DLGAP2: variants seen among roughly 807,000 people sequenced by gnomAD.
DLGAP2 encodes DLG associated protein 2.
In DLGAP2, 26 loss-of-function variants were observed where a neutral mutation model predicts 100.3. That is an observed-to-expected ratio of 0.26 (90% CI 0.19 to 0.36). The LOEUF (loss-of-function observed/expected upper bound fraction) is 0.36. DLGAP2 is among the 10% of genes least tolerant of loss of function. DLGAP2 has a pLI of 1.00. For synonymous variants in DLGAP2, 886 were observed against 630.1 expected, an observed-to-expected ratio of 1.41 and a Z score of -6.08; for missense variants, 1,858 against 1,453.2, an observed-to-expected ratio of 1.28 and a Z score of -4.53.
At chr8:1,255,191 T>C (rs376645861) in intron 2 of DLGAP2, among the ~76,000 whole-genome samples, 253 of 72,894 alleles carry the variant, frequency 3.5e-3, no homozygotes, top group African/African-American at 0.011. Context: ...TCATCCTGCC[T>C]GGGTGCTGTG....
chr8:1,261,525 C>T (rs1366436652), intron 3 of DLGAP2, among the ~76,000 whole-genome samples: 1 of 129,932 alleles, frequency 7.7e-6, no homozygotes, highest in Non-Finnish European at 1.6e-5. Flanking sequence ...GGGAGCCCCG[C>T]ATAAGTCGGG....
At chr8:767,806 T>C (rs1397254199) in intron 1 of DLGAP2, among the ~76,000 whole-genome samples, 1 of 152,136 alleles carries the variant, frequency 6.6e-6, no homozygotes, top group Non-Finnish European at 1.5e-5. Context: ...TGGTAAGTGG[T>C]TTAGAATTAG....
At chr8:915,242 G>C (rs4735956) in intron 2 of DLGAP2, among the ~76,000 whole-genome samples, 59,202 of 152,098 alleles carry the variant, frequency 0.39, 12,326 homozygotes, top group Admixed American at 0.54. Context: ...TGGGAGGAGG[G>C]AACATCTGTG....
intron 8 of DLGAP2, among the ~76,000 whole-genome samples, chr8:1,658,834 G>A (rs1391077910): frequency 6.6e-6 from 1 of 152,108 alleles, no homozygotes; most frequent in African/African-American, 2.4e-5. Flanking sequence ...ATCTCCTTCA[G>A]TTCTGCTGTG....
At chr8:1,004,449 G>A (rs554102314) in intron 2 of DLGAP2, among the ~76,000 whole-genome samples, 8 of 152,164 alleles carry the variant, frequency 5.3e-5, no homozygotes, top group South Asian at 2.1e-4. Flanking sequence ...TCAAATACAC[G>A]TCCAGATTTG....
chr8:1,169,360 T>C (rs973805801), intron 2 of DLGAP2, among the ~76,000 whole-genome samples: 29 of 152,298 alleles, frequency 1.9e-4, no homozygotes, highest in Non-Finnish European at 3.7e-4. Flanking sequence ...GACTTGGCGA[T>C]GCGGGCTCTT....
At chr8:958,537 C>T (rs997872455) in intron 2 of DLGAP2, among the ~76,000 whole-genome samples, 3 of 140,030 alleles carry the variant, frequency 2.1e-5, no homozygotes, top group African/African-American at 8.0e-5. Flanking sequence ...GCAGGCATTC[C>T]AGTGATTGTA....
At chr8:1,379,166 C>T (rs564743959) in intron 3 of DLGAP2, among the ~76,000 whole-genome samples, 44 of 152,398 alleles carry the variant, frequency 2.9e-4, no homozygotes, top group Non-Finnish European at 4.7e-4. Flanking sequence ...GACTGTGGCA[C>T]GTCAGCCTCA....
chr8:759,188 G>GACAGCCTTCCCATTATCAATACCCCCC (rs1821007038), intron 1 of DLGAP2, among the ~76,000 whole-genome samples: 2 of 31,536 alleles, frequency 6.3e-5, no homozygotes, highest in African/African-American at 2.6e-4. Context: ...CAATACCCCC[G>GACAGCCTTCCCATTATCAATACCCCCC]ACAGCCTTCC....
Position 1,132,966 on chromosome 8 carries a change from A to G in DLGAP2, c.74-125885A>G, listed in dbSNP as rs553615130. ...CTTACTTTCTCCAAGGCCCTCAGGGAGAAATTTAGAGCAAAGGGCAATCCT... is the reference window on the plus strand; with the variant it reads ...CTTACTTTCTCCAAGGCCCTCAGGGGGAAATTTAGAGCAAAGGGCAATCCT... On this transcript the variant is annotated intron_variant, in intron 2 of 14. Transcript: ENST00000637795. 7.9e-5 allele frequency among the ~76,000 whole-genome samples: 12 copies of G among 152,312 alleles called. No individual in the cohort carries two copies. The South Asian group carries it at 2.3e-3, about 29-fold the overall frequency.
chr8:1,088,352 G>A (rs1226513266), intron 2 of DLGAP2, among the ~76,000 whole-genome samples: 1 of 151,042 alleles, frequency 6.6e-6, no homozygotes, highest in African/African-American at 2.4e-5. Context: ...GTGGGGACTG[G>A]GTGACACAGG....
chr8:1,327,169 A>G (rs1185751141), intron 3 of DLGAP2, among the ~76,000 whole-genome samples: 1 of 152,242 alleles, frequency 6.6e-6, no homozygotes, highest in Non-Finnish European at 1.5e-5. Flanking sequence ...GAGGCGTCTC[A>G]CATTTCACCA....
chr8:1,563,264 T>TG (rs200240275), intron 5 of DLGAP2, among the ~76,000 whole-genome samples: 31 of 34,628 alleles, frequency 9.0e-4, no homozygotes, highest in African/African-American at 2.4e-3. Context: ...TGTGTGGTGT[T>TG]GGGTGTCTGC....
intron 1 of DLGAP2, among the ~76,000 whole-genome samples, chr8:744,238 C>T (rs547914375): frequency 6.6e-6 from 1 of 152,278 alleles, no homozygotes; most frequent in East Asian, 1.9e-4. Context: ...CCCCGACCCA[C>T]GAGATTGGGT....
At chr8:1,110,119 G>T (rs1449634209) in intron 2 of DLGAP2, among the ~76,000 whole-genome samples, 1 of 144,176 alleles carries the variant, frequency 6.9e-6, no homozygotes, top group Non-Finnish European at 1.5e-5. Context: ...GGTCTGTGAG[G>T]TGTGCACGTG....
At chr8:1,435,642 C>A (rs939402078) in intron 3 of DLGAP2, among the ~76,000 whole-genome samples, 3 of 151,762 alleles carry the variant, frequency 2.0e-5, no homozygotes, top group Non-Finnish European at 4.4e-5. Context: ...GCTCCTTCTG[C>A]TTGTGGAAAA....
chr8:1,119,916 T>G (rs1260747615), intron 2 of DLGAP2, among the ~76,000 whole-genome samples: 1 of 152,204 alleles, frequency 6.6e-6, no homozygotes, highest in Non-Finnish European at 1.5e-5. Context: ...TAGAAAGGTT[T>G]CCTTGTAGTT....
At chr8:1,368,278 GTA>G (rs1446443110) in intron 3 of DLGAP2, among the ~76,000 whole-genome samples, 9 of 151,918 alleles carry the variant, frequency 5.9e-5, no homozygotes, top group Non-Finnish European at 8.8e-5. Context: ...AGGTATGTGT[GTA>G]TGTGTGTGTA....
intron 2 of DLGAP2, among the ~76,000 whole-genome samples, chr8:962,817 C>T (rs1344181099): frequency 6.6e-6 from 1 of 152,182 alleles, no homozygotes; most frequent in Admixed American, 6.5e-5. Flanking sequence ...TTGCTGTGGC[C>T]CTCAGGTGAC....
Sources: gnomAD v4.1 joint callset for allele counts (sites outside exome capture counted in the v4.1 genomes callset) on GRCh38, gnomAD v4.1.1 for gene constraint, MANE v1.5 for transcripts, NCBI Gene and HGNC (gene_info 2026-07-23, HGNC 2026-07-21) for gene names.